The following CALU variants were observed in gnomAD, a reference collection of about 807,000 sequenced individuals.
CALU encodes the protein calumenin.
CALU carries 13 observed loss-of-function variants against 37.5 expected under a neutral mutation model. The observed-to-expected ratio is 0.35, with a 90% CI of 0.23 to 0.55. The LOEUF is 0.55. Among genes scored for constraint, CALU ranks in the 20% least tolerant of loss-of-function variants. The pLI, the probability that CALU is intolerant of heterozygous loss-of-function variation, is 0.89. For missense variants in CALU, 282 were observed against 391.7 expected, an observed-to-expected ratio of 0.72 and a Z score of 2.36; for synonymous variants, 114 against 133.8, an observed-to-expected ratio of 0.85 and a Z score of 1.02.
At chr7:128,742,984 T>C (rs1002535892) in intron 1 of CALU, among the ~76,000 whole-genome samples, 8 of 152,144 alleles carry the variant, frequency 5.3e-5, no homozygotes, top group African/African-American at 1.9e-4. Flanking sequence ...CAGGTGAAAA[T>C]CTAAAACAGG....
At position 128,748,762 on chromosome 7, in the gene CALU, C is replaced by G; in HGVS notation, c.179C>G (p.Thr60Ser). Residue 60 changes from threonine to serine, a missense_variant, in exon 2 of 7, where the codon ACC becomes AGC. Thr to Ser is a moderately conservative substitution (Grantham distance 58). Transcript: ENST00000249364. ...DAFLGAEEAK[T>S]FDQLTPEESK... ...TTCTTGGGTGCTGAAGAAGCAAAGA[C>G]CTTTGATCAGCTGACACCAGAAGAG... 1 of 1,614,128 alleles carries G rather than the reference C, an allele frequency of 6.2e-7. No individual in the cohort carries two copies. Among genetic ancestry groups the G allele is most frequent in the Non-Finnish European group, 8.5e-7 (1 of 1,180,012 alleles).
At chr7:128,745,213 T>C (rs1415675813) in intron 1 of CALU, among the ~76,000 whole-genome samples, 1 of 152,208 alleles carries the variant, frequency 6.6e-6, no homozygotes, top group African/African-American at 2.4e-5. Flanking sequence ...GACTCTTGAT[T>C]TTACTTGATT....
intron 3 of CALU, among the ~76,000 whole-genome samples, chr7:128,758,260 G>A (rs1372457307): frequency 6.6e-6 from 1 of 152,100 alleles, no homozygotes; most frequent in Non-Finnish European, 1.5e-5. Flanking sequence ...TCAAAGTGGT[G>A]GCATTCTATT....
chr7:128,754,221 T>C, intron 2 of CALU, 41 bp from the exon 3 acceptor site: 1 of 1,506,056 alleles, frequency 6.6e-7, no homozygotes, highest in Non-Finnish European at 9.1e-7. Context: ...GAGTTCTGTG[T>C]CTTTTTAACC....
At chr7:128,758,841 T>G in intron 3 of CALU, 30 bp from the exon 4 acceptor site, 2 of 1,529,272 alleles carry the variant, frequency 1.3e-6, no homozygotes, top group Non-Finnish European at 1.8e-6. Context: ...GAAAGTCTTT[T>G]AAGATTTGAC....
rs927196605 is a variant in CALU, at chr7:128,766,924, A to G, written c.644-532A>G. 3.9e-5 allele frequency among the ~76,000 whole-genome samples: 6 copies of G among 152,298 alleles called. No homozygotes were observed. The South Asian group carries it at 1.2e-3, about 32-fold the overall frequency. On this transcript the variant is annotated intron_variant, in intron 5 of 6. Coordinates refer to ENST00000249364, the MANE Select transcript of CALU (RefSeq NM_001219.5). Reference sequence around the variant, plus strand: ...GATGGCCAGAGGTACATTCTTATGAAGATCAATTTTTGGAAAAATCTATAT... The same window carrying G: ...GATGGCCAGAGGTACATTCTTATGAGGATCAATTTTTGGAAAAATCTATAT...
intron 1 of CALU, among the ~76,000 whole-genome samples, chr7:128,741,174 G>A (rs563141470): frequency 6.6e-6 from 1 of 152,360 alleles, no homozygotes; most frequent in East Asian, 1.9e-4. Context: ...TCTTAAGTAT[G>A]GATGTTGCTG....
intron 1 of CALU, among the ~76,000 whole-genome samples, chr7:128,744,805 C>T (rs1444244040): frequency 1.3e-5 from 2 of 151,988 alleles, no homozygotes; most frequent in Admixed American, 6.6e-5. Context: ...ATGGAGGAGC[C>T]TGTTTAAGGG....
chr7:128,764,644 T>C (rs1282000260), intron 5 of CALU, among the ~76,000 whole-genome samples: 2 of 152,156 alleles, frequency 1.3e-5, no homozygotes, highest in Non-Finnish European at 2.9e-5. Flanking sequence ...TTGTAAAATA[T>C]GAAAGTGGCA....
At chr7:128,759,112 CTT>C in intron 4 of CALU, 75 bp downstream of exon 4, 1 of 1,099,462 alleles carries the variant, frequency 9.1e-7, no homozygotes, top group Non-Finnish European at 1.3e-6. Context: ...CCCCTTTAGC[CTT>C]ATATAGCATA....
intron 4 of CALU, among the ~76,000 whole-genome samples, chr7:128,759,522 G>A (rs543679099): frequency 6.6e-6 from 1 of 152,262 alleles, no homozygotes; most frequent in South Asian, 2.1e-4. Context: ...TGGGCTTGAT[G>A]GGATAGTTTG....
chr7:128,745,123 T>C (rs192883160), intron 1 of CALU, among the ~76,000 whole-genome samples: 314 of 152,348 alleles, frequency 2.1e-3, no homozygotes, highest in African/African-American at 7.0e-3. Flanking sequence ...TGCTATATTT[T>C]ATTTTGAGAA....
intron 1 of CALU, among the ~76,000 whole-genome samples, chr7:128,741,979 A>G (rs1800259307): frequency 6.6e-6 from 1 of 152,218 alleles, no homozygotes; most frequent in South Asian, 2.1e-4. Flanking sequence ...TTTCTTCTGC[A>G]GCCAGATTTT....
At chr7:128,760,504 T>C (rs1161881477) in intron 5 of CALU, among the ~76,000 whole-genome samples, 1 of 151,560 alleles carries the variant, frequency 6.6e-6, no homozygotes, top group Non-Finnish European at 1.5e-5. Context: ...TTTTTTTTAA[T>C]ACTTAAAGCA....
At chr7:128,768,847 C>CAAAGAAAAAAAAAA (rs1801433653) in intron 6 of CALU, among the ~76,000 whole-genome samples, 1 of 55,164 alleles carries the variant, frequency 1.8e-5, no homozygotes. Flanking sequence ...AACTCCGTCT[C>CAAAGAAAAAAAAAA]AAAAAAAAAA....
At chr7:128,748,204 A>G (rs1800520240) in intron 1 of CALU, 1 of 570,634 alleles carries the variant, frequency 1.8e-6, no homozygotes, top group African/African-American at 1.9e-5. Context: ...ACAAGAAGTA[A>G]AGGATTTGGA....
At chr7:128,757,657 A>G (rs1800941658) in intron 3 of CALU, among the ~76,000 whole-genome samples, 1 of 152,220 alleles carries the variant, frequency 6.6e-6, no homozygotes, top group Non-Finnish European at 1.5e-5. Context: ...TGCAGGAACA[A>G]TAATTTCTTA....
rs949534641 is a variant in CALU, at chr7:128,772,444, G to T, written c.*3277G>T. 1.6e-5 allele frequency: 24 copies of T among 1,459,320 alleles called. No individual in the cohort carries two copies. The African/African-American group carries it at 2.3e-4, about 14-fold the overall frequency. The allele number at this position is 1,459,320 out of a possible 1,614,324, so 90.4% of individuals were successfully genotyped here. A position where few individuals can be genotyped will look rare whatever the true frequency, so the allele number is the denominator to read the frequency against. On this transcript the variant is annotated 3_prime_UTR_variant, in exon 7 of 7. Coordinates refer to ENST00000249364, the MANE Select transcript of CALU (RefSeq NM_001219.5). ...CATCACTCCTTTTACCATCTTTTTT[G>T]TGTTTTTAGTAGTTTGGTTTCTGAC...
intron 1 of CALU, 88 bp from the exon 2 acceptor site, chr7:128,748,483 AAT>A (rs1264539989): frequency 8.3e-7 from 1 of 1,200,520 alleles, no homozygotes. Flanking sequence ...ATATCAAATT[AAT>A]AGTTTAACTC....
Sources: allele counts gnomAD v4.1 joint callset (sites outside exome capture counted in the v4.1 genomes callset), GRCh38; gene constraint gnomAD v4.1.1; transcripts MANE v1.5; gene names NCBI Gene and HGNC (gene_info 2026-07-23, HGNC 2026-07-21).